BBOX1: variants seen among roughly 807,000 people sequenced by gnomAD.
BBOX1 encodes the protein gamma-butyrobetaine hydroxylase 1.
Under a neutral mutation model 41.6 loss-of-function variants are expected in BBOX1, and 35 were observed. The observed-to-expected ratio is 0.84, with a 90% CI of 0.64 to 1.11. BBOX1 has a LOEUF of 1.11. BBOX1 is among the 50% of genes most tolerant of loss of function. The pLI, the probability that BBOX1 is intolerant of heterozygous loss-of-function variation, is 0.00. For synonymous variants in BBOX1, 163 were observed against 154.7 expected (o/e 1.05, Z -0.40); for missense variants, 458 against 460.6 (o/e 0.99, Z 0.05).
intron 2 of BBOX1, among the ~76,000 whole-genome samples, chr11:27,046,835 C>T (rs930224747): frequency 2.6e-5 from 4 of 151,816 alleles, no homozygotes; most frequent in Admixed American, 1.3e-4. Flanking sequence ...GGTTAAATTA[C>T]AAAAACAGAT....
chr11:27,126,869 T>C (rs1859678197), intron 8 of BBOX1, among the ~76,000 whole-genome samples: 1 of 151,958 alleles, frequency 6.6e-6, no homozygotes, highest in South Asian at 2.1e-4. Flanking sequence ...AGAGACAGGG[T>C]TTCACCATGT....
intron 4 of BBOX1, among the ~76,000 whole-genome samples, chr11:27,088,047 C>T: frequency 6.6e-6 from 1 of 151,868 alleles, no homozygotes; most frequent in Non-Finnish European, 1.5e-5. Flanking sequence ...GAATATAAAT[C>T]TTTCTGTATT....
At chr11:27,043,298 C>T (rs4922782) in intron 2 of BBOX1, among the ~76,000 whole-genome samples, 27,155 of 151,924 alleles carry the variant, frequency 0.18, 2,600 homozygotes, top group Middle Eastern at 0.25. Flanking sequence ...TTCCTGACCT[C>T]GTGATCCACC....
chr11:27,051,496 C>G (rs1230492092), intron 2 of BBOX1, among the ~76,000 whole-genome samples: 2 of 151,976 alleles, frequency 1.3e-5, no homozygotes, highest in Non-Finnish European at 2.9e-5. Flanking sequence ...TGATTACCGA[C>G]TTAATCTTCC....
At chr11:27,106,605 C>T (rs1858877131) in intron 5 of BBOX1, among the ~76,000 whole-genome samples, 1 of 152,098 alleles carries the variant, frequency 6.6e-6, no homozygotes, top group Admixed American at 6.6e-5. Context: ...TAGAGACCTA[C>T]AAAGAGACTT....
chr11:27,124,975 G>A (rs1473803360), intron 7 of BBOX1, among the ~76,000 whole-genome samples: 1 of 152,108 alleles, frequency 6.6e-6, no homozygotes, highest in Admixed American at 6.6e-5. Flanking sequence ...AAAATATAGA[G>A]AGTGATATGT....
chr11:27,106,080 T>C (rs1858854577), intron 5 of BBOX1, among the ~76,000 whole-genome samples: 1 of 151,844 alleles, frequency 6.6e-6, no homozygotes, highest in African/African-American at 2.4e-5. Context: ...CTAAAAGAGC[T>C]CCTGAAGGAA....
chr11:27,074,876 C>T (rs1026974928), intron 4 of BBOX1, among the ~76,000 whole-genome samples: 1 of 152,228 alleles, frequency 6.6e-6, no homozygotes, highest in African/African-American at 2.4e-5. Flanking sequence ...TTGGGCAGCT[C>T]TGCCTCTGTG....
Position 27,127,407 on chromosome 11 carries a change from T to C in BBOX1, c.1118T>C (p.Met373Thr). ...EGAYADWDVV[M>T]SRLRILRQRV... Reference sequence around the variant, plus strand: ...GCTTATGCTGACTGGGATGTGGTCATGTCAAGGCTTCGTATCTTAAGGCAG... The same window carrying C: ...GCTTATGCTGACTGGGATGTGGTCACGTCAAGGCTTCGTATCTTAAGGCAG... The change falls in exon 9 of 9, where the codon ATG becomes ACG. Residue 373 changes from methionine (M) to threonine (T), a missense_variant. Met to Thr is a moderately conservative substitution (Grantham distance 81, BLOSUM62 -1). Coordinates refer to ENST00000263182, the MANE Select transcript of BBOX1 (RefSeq NM_003986.3). 1 of 1,613,814 alleles carries C rather than the reference T, an allele frequency of 6.2e-7. No individual in the cohort carries two copies. The highest frequency in any genetic ancestry group is 8.5e-7 in the Non-Finnish European group (1 of 1,179,960).
rs546442731 is a variant in BBOX1 at position 27,079,629 on chromosome 11, C to A, written c.335-13539C>A. The stretch of plus-strand genomic sequence containing the variant: ...AGTAAGGCATAATAGGAGATTCTAG[C>A]CCAGAATAAATTGATGAATCAAGAT... On this transcript the variant is annotated intron_variant, in intron 4 of 8. Coordinates refer to ENST00000263182, the MANE Select transcript of BBOX1 (RefSeq NM_003986.3). Among the ~76,000 whole-genome samples, 5 of 151,982 alleles carry A rather than the reference C, an allele frequency of 3.3e-5. No homozygotes were observed. The South Asian group carries it at 6.2e-4, about 19-fold the overall frequency.
chr11:27,119,571 T>G, intron 6 of BBOX1, 78 bp from the exon 7 acceptor site: 1 of 847,180 alleles, frequency 1.2e-6, no homozygotes, highest in Non-Finnish European at 1.6e-6. Context: ...ATTTTATTAT[T>G]TATTTTATTG....
chr11:27,070,641 A>C (rs1297935377), intron 4 of BBOX1, among the ~76,000 whole-genome samples: 1 of 150,294 alleles, frequency 6.7e-6, no homozygotes, highest in Non-Finnish European at 1.5e-5. Flanking sequence ...TTTACCTTGA[A>C]TTTGTATGAA....
intron 2 of BBOX1, chr11:27,047,407 G>A (rs1851519339): frequency 6.6e-6 from 1 of 152,158 alleles, no homozygotes; most frequent in South Asian, 2.1e-4. Context: ...GTCTATAGGA[G>A]TGATCACTTC....
chr11:27,119,986 T>C (rs1859407434), intron 7 of BBOX1, 141 bp downstream of exon 7: 1 of 518,494 alleles, frequency 1.9e-6, no homozygotes. Flanking sequence ...TTTAGAGTGA[T>C]AGTATTTTCA....
At chr11:27,100,565 G>C (rs1010676030) in intron 5 of BBOX1, among the ~76,000 whole-genome samples, 1 of 152,184 alleles carries the variant, frequency 6.6e-6, no homozygotes, top group Non-Finnish European at 1.5e-5. Context: ...GTGTATTCTA[G>C]TAAGTATTAG....
intron 2 of BBOX1, among the ~76,000 whole-genome samples, chr11:27,043,277 G>A (rs1007668266): frequency 6.6e-6 from 1 of 151,948 alleles, no homozygotes; most frequent in Non-Finnish European, 1.5e-5. Flanking sequence ...GTTAGCCAAG[G>A]TGGTCTCGAT....
chr11:27,077,450 A>C (rs1281870185), intron 4 of BBOX1, among the ~76,000 whole-genome samples: 3 of 152,092 alleles, frequency 2.0e-5, no homozygotes, highest in Non-Finnish European at 4.4e-5. Flanking sequence ...CTTACAGTGA[A>C]GACTACAGCC....
At position 27,070,956 on chromosome 11, in the gene BBOX1, G is replaced by A. The variant is rs138051905; in HGVS notation, c.334+13641G>A. ...TTTAGAACTCCTAGCATTCTTGCAG[G>A]GCTTGTCTAGTAGTAACAAATTGCC... On this transcript the variant is annotated intron_variant, in intron 4 of 8. Coordinates refer to ENST00000263182, the MANE Select transcript of BBOX1 (RefSeq NM_003986.3). Among the ~76,000 whole-genome samples the A allele has an allele frequency of 2.4e-3, 362 of 152,026 alleles. 1 individual carries two copies. The highest frequency in any genetic ancestry group is 4.8e-3 in the Admixed American group (74 of 15,270).
At chr11:27,102,976 G>C (rs539249717) in intron 5 of BBOX1, among the ~76,000 whole-genome samples, 1 of 152,132 alleles carries the variant, frequency 6.6e-6, no homozygotes, top group African/African-American at 2.4e-5. Context: ...GGATCACGAG[G>C]TCAGGAGTTT....
Sources: gnomAD v4.1 joint callset for allele counts (sites outside exome capture counted in the v4.1 genomes callset) on GRCh38, gnomAD v4.1.1 for gene constraint, MANE v1.5 for transcripts, NCBI Gene and HGNC (gene_info 2026-07-23, HGNC 2026-07-21) for gene names.